DPP10: variants seen among roughly 807,000 people sequenced by gnomAD.
The protein encoded by DPP10 is inactive dipeptidyl peptidase 10.
A neutral mutation model predicts 120.9 loss-of-function variants in DPP10; 33 were observed. That is an observed-to-expected ratio of 0.27 (90% CI 0.21 to 0.37). DPP10 has a LOEUF of 0.37. Ranked by LOEUF, DPP10 falls within the 10% of genes least tolerant of loss-of-function variation. DPP10 has a pLI of 1.00. For missense variants in DPP10, 816 were observed against 942.8 expected, an observed-to-expected ratio of 0.87 and a Z score of 1.76; for synonymous variants, 337 against 326.1, an observed-to-expected ratio of 1.03 and a Z score of -0.36.
At chr2:114,499,244 G>A (rs2104500543) in intron 1 of DPP10, among the ~76,000 whole-genome samples, 1 of 152,286 alleles carries the variant, frequency 6.6e-6, no homozygotes, top group Non-Finnish European at 1.5e-5. Flanking sequence ...AGACACCAGG[G>A]CACATGCTCA....
chr2:114,642,733 T>A (rs1429752194), intron 1 of DPP10, among the ~76,000 whole-genome samples: 1 of 151,630 alleles, frequency 6.6e-6, no homozygotes, highest in Admixed American at 6.6e-5. Context: ...AAAAACTCTA[T>A]CCCCTCCCTT....
intron 1 of DPP10, among the ~76,000 whole-genome samples, chr2:114,831,958 A>G (rs1687174292): frequency 6.6e-6 from 1 of 150,692 alleles, no homozygotes. Context: ...TTTTTTAAAT[A>G]TGTGCTTAAT....
chr2:114,741,994 G>A (rs1418394575), intron 1 of DPP10, among the ~76,000 whole-genome samples: 3 of 152,178 alleles, frequency 2.0e-5, no homozygotes, highest in Non-Finnish European at 2.9e-5. Context: ...ACCACAAGGA[G>A]TCAACAAACC....
At chr2:114,518,945 C>G (rs1015931953) in intron 1 of DPP10, among the ~76,000 whole-genome samples, 9 of 152,226 alleles carry the variant, frequency 5.9e-5, no homozygotes, top group African/African-American at 2.2e-4. Context: ...CCATCTGAGC[C>G]CTGAGCGACT....
At chr2:115,055,216 C>T (rs1210451343) in intron 1 of DPP10, among the ~76,000 whole-genome samples, 1 of 152,152 alleles carries the variant, frequency 6.6e-6, no homozygotes, top group Non-Finnish European at 1.5e-5. Flanking sequence ...GTTTTGACTA[C>T]TTTAGACTCC....
At position 115,714,485 on chromosome 2, in the gene DPP10, C is replaced by T. The variant is rs1348803395; in HGVS notation, c.577-13331C>T. Among the ~76,000 whole-genome samples the T allele has an allele frequency of 5.3e-5, 8 of 152,244 alleles. No individual in the cohort carries two copies. In the South Asian group the frequency reaches 1.7e-3, roughly 32 times the overall value. On this transcript the variant is annotated intron_variant, in intron 7 of 25. Transcript: ENST00000410059. ...AACTATTCAGAATAATCAAAGTAAACAGTGAATAATTTTTAAGAAAGTGTC... is the reference window on the plus strand; with the variant it reads ...AACTATTCAGAATAATCAAAGTAAATAGTGAATAATTTTTAAGAAAGTGTC...
At position 115,244,235 on chromosome 2, in the gene DPP10, T is replaced by G. The variant is rs1272210026; in HGVS notation, c.61-65004T>G. ...GTGTGTGTATATATATATATATATA[T>G]ATATAGAGAGAGAGAGAGAGAGAGA... On this transcript the variant is annotated intron_variant, in intron 1 of 25. Transcript: ENST00000410059. 7.0e-4 allele frequency among the ~76,000 whole-genome samples: 38 copies of G among 54,014 alleles called. No homozygotes were observed. The East Asian group carries it at 8.6e-3, about 12-fold the overall frequency. The allele number at this position is 54,014 out of a possible 152,430, so 35.4% of individuals were successfully genotyped here.
chr2:115,169,790 ATAT>A (rs1258747632), intron 1 of DPP10, among the ~76,000 whole-genome samples: 2 of 152,212 alleles, frequency 1.3e-5, no homozygotes, highest in African/African-American at 4.8e-5. Context: ...TCTAACTTTA[ATAT>A]TATTGTAATT....
rs1030633133 is a variant in DPP10 at position 115,490,305 on chromosome 2, A to C, written c.272-9205A>C. 3.3e-5 allele frequency among the ~76,000 whole-genome samples: 5 copies of C among 152,160 alleles called. No homozygotes were observed. The South Asian group carries it at 6.2e-4, about 19-fold the overall frequency. On this transcript the variant is annotated intron_variant, in intron 3 of 25. Coordinates refer to ENST00000410059, the MANE Select transcript of DPP10 (RefSeq NM_020868.6). ...GGCAGCAGGAGAGAGAATGAGTGCCAGCAGGGGAAATGCCAGATGTTTGTA... is the reference window on the plus strand; with the variant it reads ...GGCAGCAGGAGAGAGAATGAGTGCCCGCAGGGGAAATGCCAGATGTTTGTA...
At chr2:115,444,825 GGTTA>G (rs2072419375) in intron 3 of DPP10, among the ~76,000 whole-genome samples, 1 of 152,118 alleles carries the variant, frequency 6.6e-6, no homozygotes, top group African/African-American at 2.4e-5. Flanking sequence ...TTTTTTCACA[GGTTA>G]GTTTTGCTGG....
At chr2:115,287,942 T>C (rs1574302481) in intron 1 of DPP10, among the ~76,000 whole-genome samples, 1 of 152,266 alleles carries the variant, frequency 6.6e-6, no homozygotes, top group Admixed American at 6.5e-5. Flanking sequence ...GGATTGGTTC[T>C]ATATCTTTGC....
chr2:115,763,645 C>T (rs1456459346), intron 12 of DPP10, among the ~76,000 whole-genome samples: 1 of 152,128 alleles, frequency 6.6e-6, no homozygotes, highest in East Asian at 1.9e-4. Flanking sequence ...AACTACAGAT[C>T]CAGCAAGTCT....
intron 19 of DPP10, among the ~76,000 whole-genome samples, chr2:115,796,182 A>G (rs556726152): frequency 2.6e-5 from 4 of 152,130 alleles, no homozygotes; most frequent in East Asian, 3.9e-4. Flanking sequence ...CACCACTTCA[A>G]TCATCACTTG....
intron 4 of DPP10, among the ~76,000 whole-genome samples, chr2:115,515,297 A>T (rs1419996062): frequency 6.6e-6 from 1 of 152,028 alleles, no homozygotes; most frequent in African/African-American, 2.4e-5. Context: ...ATAATATCAA[A>T]TTTCATTAAT....
At chr2:115,090,462 G>C (rs1709151561) in intron 1 of DPP10, among the ~76,000 whole-genome samples, 1 of 152,170 alleles carries the variant, frequency 6.6e-6, no homozygotes, top group Non-Finnish European at 1.5e-5. Flanking sequence ...TGGGGAGGGG[G>C]GTGAGGGGAC....
At chr2:114,483,487 C>A (rs1433806880) in intron 1 of DPP10, among the ~76,000 whole-genome samples, 6 of 151,908 alleles carry the variant, frequency 3.9e-5, no homozygotes, top group African/African-American at 1.2e-4. Flanking sequence ...AAGATGCTAA[C>A]CAGGAACCAC....
At chr2:115,402,911 ATG>A (rs771660360) in intron 3 of DPP10, among the ~76,000 whole-genome samples, 1 of 140,668 alleles carries the variant, frequency 7.1e-6, no homozygotes, top group African/African-American at 2.7e-5. Context: ...ATGTATATAT[ATG>A]TGTGTATATA....
chr2:115,375,321 G>C (rs1167371765), intron 3 of DPP10, among the ~76,000 whole-genome samples: 1 of 152,134 alleles, frequency 6.6e-6, no homozygotes, highest in Non-Finnish European at 1.5e-5. Flanking sequence ...CAGTCTCTTT[G>C]CTAAAATATA....
intron 16 of DPP10, among the ~76,000 whole-genome samples, 153 bp from the exon 17 acceptor site, chr2:115,782,199 A>G (rs1428076018): frequency 2.6e-5 from 4 of 152,040 alleles, no homozygotes; most frequent in African/African-American, 9.6e-5. Flanking sequence ...ACGCTTATAA[A>G]TAGGAATGAA....
Sources: gnomAD v4.1 joint callset for allele counts (sites outside exome capture counted in the v4.1 genomes callset) on GRCh38, gnomAD v4.1.1 for gene constraint, MANE v1.5 for transcripts, NCBI Gene and HGNC (gene_info 2026-07-23, HGNC 2026-07-21) for gene names.